EP400: variants seen among roughly 807,000 people sequenced by gnomAD.
EP400 encodes E1A-binding protein p400.
A neutral mutation model predicts 354.1 loss-of-function variants in EP400; 105 were observed. That is an observed-to-expected ratio of 0.30 (90% confidence interval 0.25 to 0.35). The LOEUF is 0.35. Among genes scored for constraint, EP400 ranks in the 10% least tolerant of loss-of-function variants. EP400 has a pLI of 1.00. For missense variants in EP400, 3,280 were observed against 4,121.0 expected (o/e 0.80, Z 5.59); for synonymous variants, 1,646 against 1,716.9 (o/e 0.96, Z 1.02).
chr12:131,990,306 C>T lies in EP400; in HGVS notation c.2550+202C>T, dbSNP rs1892990848. On this transcript the variant is annotated intron_variant, in intron 8 of 52. Coordinates refer to ENST00000389561, the MANE Select transcript of EP400 (RefSeq NM_015409.5). The surrounding 1 kb of genome is among the most constrained non-coding windows in gnomAD (Gnocchi z 4.2). ...CCGTCTGTCTTGCACAGGGGATGCA[C>T]CTCAGCTGTGGCTGCCCTCTGAGGT... 6.6e-6 allele frequency among the ~76,000 whole-genome samples: 1 copy of T among 152,202 alleles called. No homozygotes were observed. Among genetic ancestry groups the T allele is most frequent in the Non-Finnish European group, 1.5e-5 (1 of 68,026 alleles).
chr12:131,977,950 C>T (rs938873339), intron 2 of EP400, among the ~76,000 whole-genome samples: 4 of 152,010 alleles, frequency 2.6e-5, no homozygotes, highest in Admixed American at 1.3e-4. Flanking sequence ...GTAACTTTTG[C>T]GTTTAAAATG....
intron 15 of EP400, among the ~76,000 whole-genome samples, chr12:132,007,317 G>A (rs1440171344): frequency 6.6e-6 from 1 of 152,216 alleles, no homozygotes; most frequent in African/African-American, 2.4e-5. Context: ...CGTCCCTCTT[G>A]CTGGATTTCA....
chr12:132,044,892 G>C lies in EP400; in HGVS notation c.6723G>C (p.Glu2241Asp). The C allele has an allele frequency of 6.2e-7, 1 of 1,614,198 alleles. No homozygotes were observed. The highest frequency in any genetic ancestry group is 8.5e-7 in the Non-Finnish European group (1 of 1,180,026). ...TGTATGAAGCCACTCCCATCCCAGAGGCTAAGCTGCCCCCTGTGTACGTGA... is the reference window on the plus strand; with the variant it reads ...TGTATGAAGCCACTCCCATCCCAGACGCTAAGCTGCCCCCTGTGTACGTGA... ...CLMYEATPIP[E>D]AKLPPVYVRK... Residue 2241 changes from glutamate to aspartate, a missense_variant, in exon 37 of 53, where the codon GAG (glutamate) becomes GAC (aspartate). Glu to Asp is a conservative substitution (Grantham distance 45). This residue lies in a region of EP400 where 231 missense variants were observed against 257.9 expected (regional missense o/e 0.90). Transcript: ENST00000389561.
At chr12:132,009,362 C>T (rs1338675870) in intron 15 of EP400, among the ~76,000 whole-genome samples, 1 of 152,154 alleles carries the variant, frequency 6.6e-6, no homozygotes. Context: ...TTTTCTAGGT[C>T]CTGAGGTTGC....
Position 132,044,856 on chromosome 12 carries a change from C to A in EP400, c.6687C>A (p.Val2229=). The change falls in exon 37 of 53, where the codon GTC becomes GTA. Residue 2229 remains valine, a synonymous_variant. Coordinates refer to ENST00000389561, the MANE Select transcript of EP400 (RefSeq NM_015409.5). ...ACAGCGACATCTACCTCGACTCGGT[C>A]ATGTGTCTCATGTATGAAGCCACTC... ...QDDSDIYLDS[V]MCLMYEATPI... is the part of the protein sequence containing the mutation. 6.2e-7 allele frequency: 1 copy of A among 1,614,196 alleles called. No homozygotes were observed. The highest frequency in any genetic ancestry group is 1.1e-5 in the South Asian group (1 of 91,076).
intron 30 of EP400, among the ~76,000 whole-genome samples, chr12:132,036,393 C>T (rs1288593439): frequency 3.3e-5 from 5 of 149,598 alleles, no homozygotes; most frequent in South Asian, 4.3e-4. Flanking sequence ...CGGGTTCACA[C>T]GGAGCATCGT....
chr12:132,021,457 C>T (rs1159388008), intron 23 of EP400, 136 bp downstream of exon 23: 2 of 1,275,622 alleles, frequency 1.6e-6, no homozygotes, highest in African/African-American at 3.1e-5. Context: ...TGCTGCCTCT[C>T]ACCAGTGCAG....
chr12:131,990,802 C>A lies in EP400; in HGVS notation c.2629+88C>A. The A allele has an allele frequency of 1.1e-6, 1 of 946,124 alleles. No individual in the cohort carries two copies. The highest frequency in any genetic ancestry group is 1.7e-6 in the Non-Finnish European group (1 of 606,032). The allele number at this position is 946,124 out of a possible 1,614,324, so 58.6% of individuals were successfully genotyped here. On this transcript the variant is annotated intron_variant, in intron 9 of 52. Transcript: ENST00000389561. This position sits in a 1 kb window ranked among gnomAD's most constrained non-coding sequence, Gnocchi z 4.2. ...AGCAGGCAGTCTCCTGGCGCTGTGG[C>A]TTCCCACAGAGGACATCTGCTCATC...
chr12:132,041,956 C>T (rs200477639), intron 32 of EP400, among the ~76,000 whole-genome samples: 19 of 132,912 alleles, frequency 1.4e-4, no homozygotes, highest in Non-Finnish European at 1.5e-4. Context: ...TTTTCTTTTT[C>T]TTTTTTTTTT....
intron 5 of EP400, 25 bp downstream of exon 5, chr12:131,982,503 A>G (rs1233373688): frequency 2.5e-6 from 4 of 1,568,930 alleles, no homozygotes; most frequent in Non-Finnish European, 3.5e-6. Flanking sequence ...AGAGGAAAAA[A>G]AGAAAATGGT....
In EP400 at chr12:132,050,174, T is replaced by A; in HGVS notation, c.7201-149T>A. 1.0e-6 allele frequency: 1 copy of A among 967,240 alleles called. No homozygotes were observed. The highest frequency in any genetic ancestry group is 1.7e-5 in the South Asian group (1 of 60,484). 59.9% of individuals were successfully genotyped at this position (967,240 alleles called of 1,614,324 possible). A position where few individuals can be genotyped will look rare whatever the true frequency, so the allele number is the denominator to read the frequency against. Reference sequence around the variant, plus strand: ...AATGCCGCTGCTGTTGGGTTATGCCTGAACTTGGAAAGAAGGCCCAGGAAA... The same window carrying A: ...AATGCCGCTGCTGTTGGGTTATGCCAGAACTTGGAAAGAAGGCCCAGGAAA... On this transcript the variant is annotated intron_variant, in intron 39 of 52. Coordinates refer to ENST00000389561, the MANE Select transcript of EP400 (RefSeq NM_015409.5). The surrounding 1 kb of genome is among the most constrained non-coding windows in gnomAD (Gnocchi z 4.8).
intron 2 of EP400, among the ~76,000 whole-genome samples, chr12:131,967,392 T>C (rs1190606754): frequency 7.6e-6 from 1 of 132,082 alleles, no homozygotes; most frequent in African/African-American, 2.9e-5. Context: ...AAAAAATAAA[T>C]AAATAAATAA....
Position 132,067,310 on chromosome 12 carries a change from G to A in EP400, c.8750-52G>A. 6.3e-7 allele frequency: 1 copy of A among 1,591,992 alleles called. No homozygotes were observed. The highest frequency in any genetic ancestry group is 1.1e-5 in the South Asian group (1 of 89,110). On this transcript the variant is annotated intron_variant, in intron 49 of 52. Coordinates refer to ENST00000389561, the MANE Select transcript of EP400 (RefSeq NM_015409.5). The surrounding 1 kb of genome is among the most constrained non-coding windows in gnomAD (Gnocchi z 5.3). ...TCAGTTGGAACAGAGCTTGGCGTGA[G>A]CCTCAAGCTCTTTTCCCAGTGTGCT...
At chr12:131,999,525 G>A (rs1003761916) in intron 12 of EP400, among the ~76,000 whole-genome samples, 29 of 152,012 alleles carry the variant, frequency 1.9e-4, no homozygotes, top group Non-Finnish European at 3.4e-4. Context: ...TGCAACCTCC[G>A]CCTCCTGGGT....
chr12:131,996,054 G>C (rs933051883), intron 12 of EP400, among the ~76,000 whole-genome samples: 11 of 152,358 alleles, frequency 7.2e-5, no homozygotes, highest in African/African-American at 2.4e-4. Context: ...GATGTCCTGA[G>C]TTTCAGCCAC....
intron 29 of EP400, chr12:132,031,160 G>A: frequency 2.1e-6 from 1 of 474,828 alleles, no homozygotes. Context: ...AAGTATTCAA[G>A]TCATCTCCCT....
chr12:132,025,214 C>A lies in EP400; in HGVS notation c.4856-432C>A, dbSNP rs371286996. Among the ~76,000 whole-genome samples the A allele has an allele frequency of 6.6e-6, 1 of 152,166 alleles. No homozygotes were observed. Among genetic ancestry groups the A allele is most frequent in the Non-Finnish European group, 1.5e-5 (1 of 68,040 alleles). On this transcript the variant is annotated intron_variant, in intron 24 of 52. Transcript: ENST00000389561. The surrounding 1 kb of genome is among the most constrained non-coding windows in gnomAD (Gnocchi z 4.1). The stretch of plus-strand genomic sequence containing the variant: ...AAGAAGTCAGAAAGATGTAGTCACA[C>A]AAGATCCAAAGTGGCAGCCTCGTTA...
At chr12:132,016,668 G>A (rs1011657161) in intron 19 of EP400, among the ~76,000 whole-genome samples, 2 of 152,112 alleles carry the variant, frequency 1.3e-5, no homozygotes, top group Non-Finnish European at 2.9e-5. Flanking sequence ...CACCGCACCC[G>A]GCCTTGGTTG....
chr12:132,025,573 T>A lies in EP400; in HGVS notation c.4856-73T>A. ...TTTGTCAACTTATTTTTGTACTGTT[T>A]GGAAGTGCCTGGAGTGTGTGGCTGT... On this transcript the variant is annotated intron_variant, in intron 24 of 52. Transcript: ENST00000389561. The surrounding 1 kb of genome is among the most constrained non-coding windows in gnomAD (Gnocchi z 4.1). The A allele has an allele frequency of 7.0e-7, 1 of 1,428,934 alleles. No homozygotes were observed. Among genetic ancestry groups the A allele is most frequent in the South Asian group, 1.5e-5 (1 of 66,798 alleles). 88.5% of individuals were successfully genotyped at this position (1,428,934 alleles called of 1,614,324 possible).
Sources: gnomAD v4.1 joint callset for allele counts (sites outside exome capture counted in the v4.1 genomes callset) on GRCh38, gnomAD v4.1.1 for gene constraint, gnomAD v4.1.1 regional missense constraint, Gnocchi (gnomAD v3.1) non-coding constraint, MANE v1.5 for transcripts, NCBI Gene and HGNC (gene_info 2026-07-23, HGNC 2026-07-21) for gene names.